The following MYOM2 variants were observed in gnomAD, a reference collection of about 807,000 sequenced individuals.
MYOM2 encodes the protein myomesin 2.
Under a neutral mutation model 187.6 loss-of-function variants are expected in MYOM2, and 254 were observed. The ratio of observed to expected loss-of-function variants is 1.35; its 90% CI spans 1.22 to 1.50. MYOM2 has a LOEUF of 1.50. Ranked by LOEUF, MYOM2 falls within the 40% of genes most tolerant of loss-of-function variation. The pLI is 0.00. For missense variants in MYOM2, 2,796 were observed against 1,924.0 expected, an observed-to-expected ratio of 1.45 and a Z score of -8.48; for synonymous variants, 981 against 753.8, an observed-to-expected ratio of 1.30 and a Z score of -4.94.
intron 15 of MYOM2, among the ~76,000 whole-genome samples, chr8:2,090,906 T>C (rs995668688): frequency 2.0e-5 from 3 of 152,104 alleles, no homozygotes; most frequent in Admixed American, 2.0e-4. Context: ...TTGGCTATTG[T>C]GTGAATAGTG....
chr8:2,108,410 C>T (rs1177258585), intron 23 of MYOM2, among the ~76,000 whole-genome samples: 1 of 151,820 alleles, frequency 6.6e-6, no homozygotes, highest in Non-Finnish European at 1.5e-5. Context: ...AGGCCAGAAG[C>T]ACGTTCTCAG....
intron 28 of MYOM2, among the ~76,000 whole-genome samples, chr8:2,120,696 A>ATATATATATATAT (rs1491564842): frequency 3.6e-5 from 3 of 83,998 alleles, no homozygotes; most frequent in African/African-American, 1.4e-4. Flanking sequence ...ATAAATATAT[A>ATATATATATATAT]ATATATATAT....
At chr8:2,092,295 C>T in intron 15 of MYOM2, 51 bp from the exon 16 acceptor site, 1 of 1,585,214 alleles carries the variant, frequency 6.3e-7, no homozygotes, top group South Asian at 1.2e-5. Flanking sequence ...TCTGCTGTAG[C>T]TTCCAAAGCT....
intron 31 of MYOM2, among the ~76,000 whole-genome samples, chr8:2,125,479 T>C (rs1797602494): frequency 1.3e-5 from 2 of 152,218 alleles, no homozygotes; most frequent in South Asian, 4.1e-4. Flanking sequence ...CATGCTGTTT[T>C]GGTTTCTGTA....
intron 1 of MYOM2, among the ~76,000 whole-genome samples, chr8:2,049,337 T>A (rs1463862131): frequency 6.6e-6 from 1 of 152,232 alleles, no homozygotes. Context: ...CTGGCCCTCG[T>A]GTCCTGTTTT....
At chr8:2,107,629 A>G (rs1585919156) in intron 23 of MYOM2, among the ~76,000 whole-genome samples, 1 of 152,108 alleles carries the variant, frequency 6.6e-6, no homozygotes, top group South Asian at 2.1e-4. Context: ...AAACTCATGC[A>G]CATTTAACAA....
rs2129334444 is a variant in MYOM2, at chr8:2,072,317, C to T, written c.794-28C>T. 6 of 1,603,656 alleles carry T rather than the reference C, an allele frequency of 3.7e-6. No homozygotes were observed. In the East Asian group the frequency reaches 1.1e-4, roughly 30 times the overall value. ...CGTTTCATGCTCTCTGCCCTTCGGC[C>T]CTGAAAGCCTCCATCGTTTCTGTGC... On this transcript the variant is annotated intron_variant, in intron 8 of 36. Transcript: ENST00000262113.
In MYOM2 at chr8:2,100,952, C is replaced by T. The variant is rs369969429; in HGVS notation, c.2517C>T (p.Ser839=). The T allele has an allele frequency of 6.0e-5, 97 of 1,614,068 alleles. No individual in the cohort carries two copies. The East Asian group carries it at 1.6e-3, about 27-fold the overall frequency. ...LVMLWKAPVY[S]GSSPVSGYFV... ...TGCTGTGGAAGGCCCCTGTGTACTC[C>T]GGCAGCAGCCCTGTTTCTGGATATT... Residue 839 remains serine (S), a synonymous_variant, in exon 20 of 37, where the codon TCC becomes TCT. Coordinates refer to ENST00000262113, the MANE Select transcript of MYOM2 (RefSeq NM_003970.4).
At chr8:2,060,734 G>C (rs147629516) in intron 6 of MYOM2, among the ~76,000 whole-genome samples, 15 of 115,532 alleles carry the variant, frequency 1.3e-4, no homozygotes, top group African/African-American at 4.3e-4. Flanking sequence ...TGGAAGGAAA[G>C]TCTTGCTCTG....
chr8:2,112,874 T>C (rs1357320071), intron 25 of MYOM2, among the ~76,000 whole-genome samples: 1 of 152,196 alleles, frequency 6.6e-6, no homozygotes, highest in Non-Finnish European at 1.5e-5. Flanking sequence ...GCAAGGGCTG[T>C]GAGAGGAGTG....
At chr8:2,109,012 G>C (rs1162120936) in intron 24 of MYOM2, among the ~76,000 whole-genome samples, 182 bp downstream of exon 24, 2 of 152,182 alleles carry the variant, frequency 1.3e-5, no homozygotes, top group Non-Finnish European at 1.5e-5. Context: ...ATAGCTTGTT[G>C]AAACTTGCAT....
rs140212457 is a variant in MYOM2 at position 2,109,493 on chromosome 8, C to G, written c.3142C>G (p.Arg1048Gly). 1 of 1,613,186 alleles carries G rather than the reference C, an allele frequency of 6.2e-7. No homozygotes were observed. The highest frequency in any genetic ancestry group is 8.5e-7 in the Non-Finnish European group (1 of 1,179,572). ...GCACTTATCACCAGATGCCAGCTAC[C>G]GATTTATTATTAACGACAGAGAAGT... is the stretch of plus-strand genomic sequence containing the variant. The part of the protein sequence containing the change: ...AEHLSPDASY[R>G]FIINDREVSD... The change falls in exon 25 of 37, where the codon CGA (arginine) becomes GGA (glycine). Residue 1048 changes from arginine to glycine, a missense_variant. By Grantham distance (125) the Arg-to-Gly change is moderately radical. Transcript: ENST00000262113.
At chr8:2,123,894 G>A (rs1222187629) in intron 30 of MYOM2, among the ~76,000 whole-genome samples, 5 of 152,224 alleles carry the variant, frequency 3.3e-5, no homozygotes, top group African/African-American at 1.2e-4. Context: ...GCCAAGCAAC[G>A]CATTACTAAT....
At chr8:2,118,488 C>T (rs1237188462) in intron 28 of MYOM2, among the ~76,000 whole-genome samples, 2 of 152,138 alleles carry the variant, frequency 1.3e-5, no homozygotes, top group African/African-American at 4.8e-5. Flanking sequence ...ATTGTTTTTA[C>T]TCCCAAACTA....
rs150903286 is a variant in MYOM2, at chr8:2,078,778, C to T, written c.1307C>T (p.Pro436Leu). Residue 436 changes from proline (P) to leucine (L), a missense_variant, in exon 12 of 37, where the codon CCG becomes CTG. Physicochemically the swap from Pro to Leu is moderately conservative, Grantham distance 98. Coordinates refer to ENST00000262113, the MANE Select transcript of MYOM2 (RefSeq NM_003970.4). The stretch of plus-strand genomic sequence containing the variant: ...AATTGGGTGCAGTGCAATGATGCAC[C>T]GGTGAAAATCTGCAAATACCCGGTC... ...TNNWVQCNDA[P>L]VKICKYPVTG... 3.7e-5 allele frequency: 60 copies of T among 1,614,030 alleles called. No individual in the cohort carries two copies. Among genetic ancestry groups the T allele is most frequent in the East Asian group, 8.9e-5 (4 of 44,864 alleles).
intron 8 of MYOM2, among the ~76,000 whole-genome samples, chr8:2,071,162 T>C (rs1199926529): frequency 6.6e-6 from 1 of 151,890 alleles, no homozygotes; most frequent in African/African-American, 2.4e-5. Flanking sequence ...TATTTTTATT[T>C]TTTTTTGCAT....
chr8:2,069,527 G>A (rs1248477194), intron 8 of MYOM2, 30 bp downstream of exon 8: 1 of 1,613,602 alleles, frequency 6.2e-7, no homozygotes, highest in Non-Finnish European at 8.5e-7. Context: ...TTTTCTGTGT[G>A]GTGAAATGTT....
Position 2,072,171 on chromosome 8 carries a change from C to T in MYOM2, c.794-174C>T, listed in dbSNP as rs547208342. Reference sequence around the variant, plus strand: ...GCGTGAACCCGGGAGGCGAAGCCTGCAGTGAGCCGAGGTCGCACCACTGCA... The same window carrying T: ...GCGTGAACCCGGGAGGCGAAGCCTGTAGTGAGCCGAGGTCGCACCACTGCA... On this transcript the variant is annotated intron_variant, in intron 8 of 36. Coordinates refer to ENST00000262113, the MANE Select transcript of MYOM2 (RefSeq NM_003970.4). Among the ~76,000 whole-genome samples, 146 of 152,234 alleles carry T rather than the reference C, an allele frequency of 9.6e-4. 1 individual carries two copies. The highest frequency in any genetic ancestry group is 3.4e-3 in the African/African-American group (143 of 41,566).
Position 2,096,441 on chromosome 8 carries a change from T to G in MYOM2, c.2313+7T>G. ...CAAACCGACAATCCTAACGGTCAGT[T>G]GGTTTTTATTCCTTCGTCTATTTTT... On this transcript the variant is annotated splice_region_variant and intron_variant, in intron 18 of 36. Transcript: ENST00000262113. The G allele has an allele frequency of 6.2e-7, 1 of 1,613,272 alleles. No individual in the cohort carries two copies. Among genetic ancestry groups the G allele is most frequent in the Non-Finnish European group, 8.5e-7 (1 of 1,179,560 alleles).
Sources: gnomAD v4.1 joint callset for allele counts (sites outside exome capture counted in the v4.1 genomes callset) on GRCh38, gnomAD v4.1.1 for gene constraint, MANE v1.5 for transcripts, NCBI Gene and HGNC (gene_info 2026-07-23, HGNC 2026-07-21) for gene names.